KCNAB1: variants seen among roughly 807,000 people sequenced by gnomAD.
KCNAB1 encodes the protein potassium voltage-gated channel subfamily A regulatory beta subunit 1.
KCNAB1 carries 35 observed loss-of-function variants against 64.6 expected under a neutral mutation model. The observed-to-expected ratio is 0.54, with a 90% CI of 0.41 to 0.72. The LOEUF is 0.72. Among genes scored for constraint, KCNAB1 ranks in the 30% least tolerant of loss-of-function variants. The probability of loss-of-function intolerance (pLI) is 0.00; values close to 1 mark genes in which losing one functional copy is unlikely to be tolerated. For missense variants in KCNAB1, 401 were observed against 512.9 expected (o/e 0.78, Z 2.11); for synonymous variants, 177 against 183.8 (o/e 0.96, Z 0.30).
At chr3:156,184,989 A>G (rs1170695231) in intron 1 of KCNAB1, among the ~76,000 whole-genome samples, 2 of 152,166 alleles carry the variant, frequency 1.3e-5, no homozygotes, top group Non-Finnish European at 2.9e-5. Flanking sequence ...CAGTACCTCC[A>G]TATCTCTGTT....
chr3:156,416,316 T>C (rs115380577), intron 1 of KCNAB1, among the ~76,000 whole-genome samples: 6 of 152,352 alleles, frequency 3.9e-5, no homozygotes, highest in African/African-American at 1.2e-4. Context: ...ATCAGACTCA[T>C]GTAGAGCCAC....
chr3:156,298,262 G>A (rs1720926560), intron 1 of KCNAB1, among the ~76,000 whole-genome samples: 1 of 152,126 alleles, frequency 6.6e-6, no homozygotes, highest in African/African-American at 2.4e-5. Flanking sequence ...TGTGTGTGGG[G>A]GCTGTGGGGC....
At chr3:156,460,448 A>G (rs1194206039) in intron 5 of KCNAB1, 1 of 152,052 alleles carries the variant, frequency 6.6e-6, no homozygotes, top group Non-Finnish European at 1.5e-5. Flanking sequence ...CCTTTCCAAC[A>G]CCTCCTGTAG....
chr3:156,279,652 T>C (rs1452291654), intron 1 of KCNAB1, among the ~76,000 whole-genome samples: 1 of 152,116 alleles, frequency 6.6e-6, no homozygotes, highest in Non-Finnish European at 1.5e-5. Context: ...TTCTAATGAT[T>C]GCCATTCTAA....
chr3:156,351,060 A>C (rs570135136), intron 1 of KCNAB1, among the ~76,000 whole-genome samples: 63 of 152,334 alleles, frequency 4.1e-4, no homozygotes, highest in African/African-American at 1.3e-3. Context: ...AGAACAACCT[A>C]ATTTGGGCAT....
chr3:156,327,751 G>A (rs914440667), intron 1 of KCNAB1, among the ~76,000 whole-genome samples: 1 of 152,088 alleles, frequency 6.6e-6, no homozygotes, highest in African/African-American at 2.4e-5. Flanking sequence ...GGAGTCAGGG[G>A]AAATGGAGAA....
intron 1 of KCNAB1, among the ~76,000 whole-genome samples, chr3:156,220,166 C>T (rs763633887): frequency 2.6e-5 from 4 of 152,018 alleles, no homozygotes; most frequent in African/African-American, 4.8e-5. Context: ...TGAATAGTGC[C>T]GTAATAAATA....
At chr3:156,159,496 C>T (rs769339054) in intron 1 of KCNAB1, among the ~76,000 whole-genome samples, 2 of 152,092 alleles carry the variant, frequency 1.3e-5, no homozygotes, top group African/African-American at 2.4e-5. Flanking sequence ...GTTAGCCTCC[C>T]CTTGCCCATT....
At chr3:156,367,783 C>G (rs1167255331) in intron 1 of KCNAB1, among the ~76,000 whole-genome samples, 1 of 152,188 alleles carries the variant, frequency 6.6e-6, no homozygotes, top group African/African-American at 2.4e-5. Context: ...CAAAGGAACT[C>G]TGTCACAAAT....
intron 1 of KCNAB1, among the ~76,000 whole-genome samples, chr3:156,312,246 T>A (rs1170391546): frequency 6.6e-6 from 1 of 152,214 alleles, no homozygotes; most frequent in Non-Finnish European, 1.5e-5. Flanking sequence ...CCATCACCTC[T>A]GGTGGAAGAC....
At chr3:156,330,128 T>TC (rs1723237172) in intron 1 of KCNAB1, among the ~76,000 whole-genome samples, 1 of 151,906 alleles carries the variant, frequency 6.6e-6, no homozygotes, top group Non-Finnish European at 1.5e-5. Flanking sequence ...ATATATCCCA[T>TC]CCCCCCTTTT....
Position 156,464,496 on chromosome 3 carries a change from AT to A in KCNAB1, c.527+751del, listed in dbSNP as rs753926303. On this transcript the variant is annotated intron_variant, in intron 6 of 13. Coordinates refer to ENST00000490337, the MANE Select transcript of KCNAB1 (RefSeq NM_172160.3). The stretch of plus-strand genomic sequence containing the variant: ...CAGAAATCGCAAAAAAATAATAATA[AT>A]AATAATAATAATGCTGGAGTTTTAA... Among the ~76,000 whole-genome samples the A allele has an allele frequency of 3.7e-3, 569 of 152,124 alleles. 1 individual carries two copies. The highest frequency in any genetic ancestry group is 7.3e-3 in the South Asian group (35 of 4,824).
intron 1 of KCNAB1, chr3:156,143,411 T>G: frequency 6.3e-7 from 1 of 1,584,720 alleles, no homozygotes; most frequent in Non-Finnish European, 8.6e-7. Flanking sequence ...GAGACGGGCA[T>G]GGCATACAGG....
At chr3:156,127,884 GGTGTGTGTGTGTGTGT>G (rs10576749) in intron 1 of KCNAB1, among the ~76,000 whole-genome samples, 5 of 147,556 alleles carry the variant, frequency 3.4e-5, no homozygotes, top group Non-Finnish European at 7.5e-5. Context: ...CTTCATTTGG[GGTGTGTGTGTGTGTGT>G]GTGTGTGTGT....
At chr3:156,208,187 T>A (rs1714782033) in intron 1 of KCNAB1, among the ~76,000 whole-genome samples, 1 of 152,180 alleles carries the variant, frequency 6.6e-6, no homozygotes, top group Non-Finnish European at 1.5e-5. Flanking sequence ...TCCTGCATCC[T>A]AGTTTGGGAA....
At chr3:156,163,617 G>A (rs1577658877) in intron 1 of KCNAB1, among the ~76,000 whole-genome samples, 1 of 152,292 alleles carries the variant, frequency 6.6e-6, no homozygotes, top group East Asian at 1.9e-4. Context: ...TATTATTCAA[G>A]TTACTGAGAA....
chr3:156,379,709 C>A (rs7613469), intron 1 of KCNAB1, among the ~76,000 whole-genome samples: 46,385 of 151,948 alleles, frequency 0.31, 9,282 homozygotes, highest in African/African-American at 0.58. Context: ...GGAAATGGGA[C>A]TTCACCAGCG....
intron 1 of KCNAB1, among the ~76,000 whole-genome samples, chr3:156,148,113 C>A (rs1324169204): frequency 6.6e-6 from 1 of 152,198 alleles, no homozygotes; most frequent in Non-Finnish European, 1.5e-5. Flanking sequence ...TACCCTCCAC[C>A]TTCTGCCAGA....
chr3:156,294,809 T>A (rs1395726497), intron 1 of KCNAB1, among the ~76,000 whole-genome samples: 4 of 152,316 alleles, frequency 2.6e-5, no homozygotes, highest in East Asian at 1.9e-4. Context: ...GAAGATTTTT[T>A]AAAAAGTCTT....
Sources: gnomAD v4.1 joint callset for allele counts (sites outside exome capture counted in the v4.1 genomes callset) on GRCh38, gnomAD v4.1.1 for gene constraint, MANE v1.5 for transcripts, NCBI Gene and HGNC (gene_info 2026-07-23, HGNC 2026-07-21) for gene names.